The following PBX1 variants were observed in gnomAD, a reference collection of about 807,000 sequenced individuals.
PBX1 encodes the protein pre-B-cell leukemia transcription factor 1.
Under a neutral mutation model 53.4 loss-of-function variants are expected in PBX1, and 6 were observed. The ratio of observed to expected loss-of-function variants is 0.11; its 90% CI spans 0.06 to 0.22. The LOEUF is 0.22. Ranked by LOEUF, PBX1 falls within the 10% of genes least tolerant of loss-of-function variation. PBX1 has a pLI of 1.00. For missense variants in PBX1, 251 were observed against 551.4 expected (o/e 0.46, Z 5.46); for synonymous variants, 204 against 212.3 (o/e 0.96, Z 0.34).
intron 2 of PBX1, among the ~76,000 whole-genome samples, chr1:164,569,624 T>G (rs1653698528): frequency 7.8e-6 from 1 of 128,546 alleles, no homozygotes. Flanking sequence ...CAGGTTGGAG[T>G]GCAGTGGCGT....
chr1:164,632,362 G>T (rs1433333787), intron 2 of PBX1, among the ~76,000 whole-genome samples: 1 of 152,078 alleles, frequency 6.6e-6, no homozygotes, highest in African/African-American at 2.4e-5. Context: ...TTTTCCCAAG[G>T]AATTAAAGTC....
chr1:164,770,781 T>C (rs555852366), intron 2 of PBX1: 1 of 152,228 alleles, frequency 6.6e-6, no homozygotes, highest in South Asian at 2.1e-4. Flanking sequence ...TTGGTGTTAA[T>C]TACATAGGCT....
intron 2 of PBX1, among the ~76,000 whole-genome samples, chr1:164,624,827 T>TATAC (rs1482069638): frequency 6.6e-6 from 1 of 152,208 alleles, no homozygotes; most frequent in Non-Finnish European, 1.5e-5. Flanking sequence ...AGAGAGAGAC[T>TATAC]ATACATTCAC....
chr1:164,602,341 C>T (rs1656234467), intron 2 of PBX1, among the ~76,000 whole-genome samples: 1 of 152,228 alleles, frequency 6.6e-6, no homozygotes, highest in African/African-American at 2.4e-5. Context: ...GTTTCTGCAG[C>T]TTGGTTATGC....
intron 2 of PBX1, chr1:164,577,019 G>T (rs554048636): frequency 6.6e-6 from 1 of 152,390 alleles, no homozygotes; most frequent in African/African-American, 2.4e-5. Flanking sequence ...GTGTGTGTAT[G>T]TGCTAACACG....
intron 2 of PBX1, among the ~76,000 whole-genome samples, chr1:164,705,358 G>A (rs900707387): frequency 6.6e-6 from 1 of 152,182 alleles, no homozygotes; most frequent in African/African-American, 2.4e-5. Context: ...TACTAAACAA[G>A]ATGAATTACA....
At chr1:164,579,179 A>C (rs760241265) in intron 2 of PBX1, among the ~76,000 whole-genome samples, 11 of 152,228 alleles carry the variant, frequency 7.2e-5, no homozygotes, top group Non-Finnish European at 1.5e-4. Flanking sequence ...GACAAACAGC[A>C]ATGCTTTCTA....
chr1:164,772,024 T>C (rs1363468070), intron 2 of PBX1, among the ~76,000 whole-genome samples: 1 of 152,104 alleles, frequency 6.6e-6, no homozygotes, highest in East Asian at 1.9e-4. Context: ...GGGAAAAAAA[T>C]CCTGCCCCAA....
At chr1:164,597,236 A>C (rs1292115199) in intron 2 of PBX1, among the ~76,000 whole-genome samples, 1 of 152,168 alleles carries the variant, frequency 6.6e-6, no homozygotes, top group South Asian at 2.1e-4. Flanking sequence ...CAGTTACCTC[A>C]CTTCTTCAGC....
At chr1:164,689,657 T>G (rs945762387) in intron 2 of PBX1, among the ~76,000 whole-genome samples, 2 of 152,218 alleles carry the variant, frequency 1.3e-5, no homozygotes, top group African/African-American at 4.8e-5. Context: ...GTTAAATCAT[T>G]AAGCTTCTGC....
chr1:164,800,497 G>A (rs1375421235), intron 4 of PBX1, among the ~76,000 whole-genome samples: 15 of 152,188 alleles, frequency 9.9e-5, no homozygotes, highest in Admixed American at 9.8e-4. Flanking sequence ...TGAGTTCAGA[G>A]CATTCAGTTG....
At chr1:164,856,321 C>T (rs1471931557), downstream of PBX1, among the ~76,000 whole-genome samples, 1 of 152,156 alleles carries the variant, frequency 6.6e-6, no homozygotes, top group African/African-American at 2.4e-5. Flanking sequence ...CCTATTGTTC[C>T]TCAAATCCTT....
chr1:164,643,556 A>G (rs1571134775), intron 2 of PBX1, among the ~76,000 whole-genome samples: 1 of 152,158 alleles, frequency 6.6e-6, no homozygotes, highest in Non-Finnish European at 1.5e-5. Context: ...AAAGCAAGTT[A>G]TTTGTTACCA....
chr1:164,798,459 AT>A (rs1339883367), intron 3 of PBX1, among the ~76,000 whole-genome samples: 3 of 152,236 alleles, frequency 2.0e-5, no homozygotes, highest in Non-Finnish European at 4.4e-5. Flanking sequence ...AGGAAACCAG[AT>A]TATGGATGCT....
intron 8 of PBX1, among the ~76,000 whole-genome samples, chr1:164,832,377 A>T (rs1312950757): frequency 6.6e-6 from 1 of 152,204 alleles, no homozygotes; most frequent in East Asian, 1.9e-4. Context: ...AAATATTTAG[A>T]CAGCTCTTTC....
At chr1:164,874,164 T>C (rs1482881107) in intron 2 of PBX1, among the ~76,000 whole-genome samples, 2 of 152,170 alleles carry the variant, frequency 1.3e-5, no homozygotes, top group Non-Finnish European at 2.9e-5. Context: ...CAAGGAGCTA[T>C]TCTCTTTTGG....
At chr1:164,704,555 G>A (rs141823922) in intron 2 of PBX1, among the ~76,000 whole-genome samples, 157 of 152,194 alleles carry the variant, frequency 1.0e-3, no homozygotes, top group African/African-American at 2.9e-3. Flanking sequence ...CTGAGAGTAC[G>A]CACATTTTAT....
Position 164,818,708 on chromosome 1 carries a change from A to T in PBX1, c.998-1364A>T, listed in dbSNP as rs776952515. On this transcript the variant is annotated intron_variant, in intron 6 of 8. Transcript: ENST00000420696. ...CTTTCTCTAAATGGCTCTTGCCTTT[A>T]AAGTATGAAAACACCATGAATAGCC... 11 of 151,714 alleles carry T rather than the reference A, an allele frequency of 7.3e-5. No individual in the cohort carries two copies. In the South Asian group the frequency reaches 1.0e-3, roughly 14 times the overall value. The allele number at this position is 151,714 out of a possible 1,614,324, so 9.4% of individuals were successfully genotyped here. A position where few individuals can be genotyped will look rare whatever the true frequency, so the allele number is the denominator to read the frequency against.
intron 2 of PBX1, among the ~76,000 whole-genome samples, chr1:164,574,731 C>T (rs1370666083): frequency 6.6e-6 from 1 of 152,126 alleles, no homozygotes; most frequent in African/African-American, 2.4e-5. Flanking sequence ...CCTATAATCC[C>T]AGCACTTTGG....
Sources: allele counts gnomAD v4.1 joint callset (sites outside exome capture counted in the v4.1 genomes callset), GRCh38; gene constraint gnomAD v4.1.1; transcripts MANE v1.5; gene names NCBI Gene and HGNC (gene_info 2026-07-23, HGNC 2026-07-21).